The following ROCK1 variants were observed in gnomAD, a reference collection of about 807,000 sequenced individuals.
ROCK1 encodes the protein Rho associated coiled-coil containing protein kinase 1.
In ROCK1, 36 loss-of-function variants were observed where a neutral mutation model predicts 196.8. That is an observed-to-expected ratio of 0.18 (90% CI 0.14 to 0.24). The LOEUF (loss-of-function observed/expected upper bound fraction) is 0.24. ROCK1 is among the 10% of genes least tolerant of loss of function. ROCK1 has a pLI of 1.00. For missense variants in ROCK1, 920 were observed against 1,562.0 expected (o/e 0.59, Z 6.93); for synonymous variants, 443 against 515.9 (o/e 0.86, Z 1.91).
chr18:20,967,530 G>C (rs1452045885), intron 26 of ROCK1, among the ~76,000 whole-genome samples: 2 of 152,104 alleles, frequency 1.3e-5, no homozygotes, highest in African/African-American at 4.8e-5. Flanking sequence ...AAAAAAGTGA[G>C]TCTTGACTAG....
chr18:21,041,270 TAAAAAAAAAAA>T (rs780115669), intron 8 of ROCK1, among the ~76,000 whole-genome samples: 2 of 105,178 alleles, frequency 1.9e-5, no homozygotes, highest in South Asian at 3.0e-4. Flanking sequence ...TGTCTCTATT[TAAAAAAAAAAA>T]AAAAAAAAAA....
chr18:20,969,969 C>G (rs1297254569), intron 23 of ROCK1: 1 of 157,636 alleles, frequency 6.3e-6, no homozygotes, highest in Non-Finnish European at 1.4e-5. Context: ...ATTCCTCATT[C>G]CCAAATGGTT....
intron 10 of ROCK1, among the ~76,000 whole-genome samples, chr18:21,026,969 C>T (rs1360618405): frequency 2.1e-5 from 3 of 145,024 alleles, no homozygotes; most frequent in South Asian, 2.1e-4. Flanking sequence ...GACAGAGTCT[C>T]GCTCCATTGC....
At chr18:21,009,166 CT>C (rs59587626) in intron 13 of ROCK1, among the ~76,000 whole-genome samples, 2,383 of 122,036 alleles carry the variant, frequency 0.02, 31 homozygotes, top group African/African-American at 0.055. Flanking sequence ...TTGAGACAGG[CT>C]TTTTTTTTTT....
At chr18:21,063,770 C>CA (rs1304878456) in intron 2 of ROCK1, among the ~76,000 whole-genome samples, 1 of 152,128 alleles carries the variant, frequency 6.6e-6, no homozygotes, top group East Asian at 1.9e-4. Context: ...AATGAAGAAG[C>CA]TTAAACAATA....
intron 27 of ROCK1, among the ~76,000 whole-genome samples, chr18:20,966,651 C>A (rs575072502): frequency 2.4e-4 from 36 of 152,130 alleles, no homozygotes; most frequent in African/African-American, 7.2e-4. Context: ...TTAGGCTGCT[C>A]AAAATAGGTT....
chr18:20,979,521 C>T (rs1462614144), intron 22 of ROCK1, among the ~76,000 whole-genome samples: 1 of 151,858 alleles, frequency 6.6e-6, no homozygotes, highest in Non-Finnish European at 1.5e-5. Context: ...ACTCAGGAGG[C>T]TGAGGCAGGA....
At chr18:20,984,913 G>A (rs942243351) in intron 19 of ROCK1, among the ~76,000 whole-genome samples, 3 of 152,014 alleles carry the variant, frequency 2.0e-5, no homozygotes, top group African/African-American at 7.3e-5. Flanking sequence ...CAGAGTTTGA[G>A]ACCAGCCTGG....
intron 9 of ROCK1, among the ~76,000 whole-genome samples, chr18:21,030,654 C>T (rs2035997916): frequency 6.6e-6 from 1 of 152,154 alleles, no homozygotes; most frequent in South Asian, 2.1e-4. Context: ...ATTTCTGCTT[C>T]TAAATTAAGA....
chr18:21,064,438 T>G (rs754040081), intron 2 of ROCK1, among the ~76,000 whole-genome samples: 1 of 152,236 alleles, frequency 6.6e-6, no homozygotes, highest in Non-Finnish European at 1.5e-5. Context: ...TATATCTGTG[T>G]GTGTTTCCAT....
At chr18:21,095,445 T>C (rs1040200889) in intron 1 of ROCK1, among the ~76,000 whole-genome samples, 5 of 152,008 alleles carry the variant, frequency 3.3e-5, no homozygotes, top group African/African-American at 9.7e-5. Context: ...ACCCAAGATA[T>C]GGAAGCAACC....
At chr18:21,029,838 A>C (rs551629418) in intron 9 of ROCK1, among the ~76,000 whole-genome samples, 1 of 152,278 alleles carries the variant, frequency 6.6e-6, no homozygotes, top group Admixed American at 6.5e-5. Flanking sequence ...TTTATTTTTT[A>C]GCTTAAAGAT....
intron 22 of ROCK1, among the ~76,000 whole-genome samples, chr18:20,977,218 T>C (rs914397175): frequency 2.0e-5 from 3 of 152,162 alleles, no homozygotes; most frequent in Non-Finnish European, 4.4e-5. Context: ...TCTCTGAAAG[T>C]CCCTGATTGG....
At chr18:20,982,866 C>T in intron 20 of ROCK1, 34 bp from the exon 21 acceptor site, 3 of 1,003,770 alleles carry the variant, frequency 3.0e-6, no homozygotes, top group Non-Finnish European at 4.6e-6. Context: ...TGAACAAACG[C>T]TCCTACTTAT....
chr18:20,982,898 G>T, intron 20 of ROCK1, 66 bp from the exon 21 acceptor site: 1 of 687,238 alleles, frequency 1.5e-6, no homozygotes. Context: ...TTTTTTCTTA[G>T]TTTGTTAAAG....
chr18:21,001,740 G>A (rs1464081128), intron 16 of ROCK1, among the ~76,000 whole-genome samples: 1 of 151,792 alleles, frequency 6.6e-6, no homozygotes, highest in African/African-American at 2.4e-5. Context: ...ACTGTAGCCT[G>A]GGTGACAGAG....
intron 19 of ROCK1, 32 bp downstream of exon 19, chr18:20,986,918 T>A: frequency 6.5e-7 from 1 of 1,543,722 alleles, no homozygotes; most frequent in Middle Eastern, 1.7e-4. Flanking sequence ...TCTCTTTTAA[T>A]AGATGAACAA....
At chr18:21,110,674 T>C in intron 1 of ROCK1, 144 bp downstream of exon 1, 1 of 710,676 alleles carries the variant, frequency 1.4e-6, no homozygotes. Flanking sequence ...TTAATGGTAC[T>C]CCAAGATTCT....
intron 16 of ROCK1, among the ~76,000 whole-genome samples, chr18:21,001,994 A>G (rs948754270): frequency 2.0e-5 from 3 of 152,190 alleles, no homozygotes; most frequent in African/African-American, 7.2e-5. Flanking sequence ...GTGAAATGCA[A>G]AAATCATTTA....
Sources: gnomAD v4.1 joint callset for allele counts (sites outside exome capture counted in the v4.1 genomes callset) on GRCh38, gnomAD v4.1.1 for gene constraint, MANE v1.5 for transcripts, NCBI Gene and HGNC (gene_info 2026-07-23, HGNC 2026-07-21) for gene names.